Variants in NPEPL1 observed in about 807,000 individuals in gnomAD.
The protein encoded by NPEPL1 is aminopeptidase like 1, also known as probable aminopeptidase NPEPL1.
A neutral mutation model predicts 52.4 loss-of-function variants in NPEPL1; 45 were observed. The observed-to-expected ratio is 0.86, with a 90% confidence interval of 0.68 to 1.10. The LOEUF is 1.10. NPEPL1 is among the 50% of genes least tolerant of loss of function. NPEPL1 has a pLI of 0.00. For synonymous variants in NPEPL1, 360 were observed against 314.7 expected (o/e 1.14, Z -1.52); for missense variants, 696 against 710.9 (o/e 0.98, Z 0.24).
Position 58,693,790 on chromosome 20 carries a change from C to T in NPEPL1, c.204C>T (p.Pro68=), listed in dbSNP as rs199613831. Residue 68 remains proline (P), a synonymous_variant, in exon 2 of 12, where the codon CCC becomes CCT. Transcript: ENST00000356091. ...ACCCCAACCCCACGGACAGCTGTCC[C>T]CTCTACCTGAACTACGCCACCGTGG... The part of the protein sequence containing the change: ...TLNPNPTDSC[P]LYLNYATVAA... 394 of 1,613,854 alleles carry T rather than the reference C, an allele frequency of 2.4e-4. No individual in the cohort carries two copies. The African/African-American group carries it at 4.6e-3, about 19-fold the overall frequency.
Position 58,713,141 on chromosome 20 carries a change from C to T in NPEPL1, c.1002-279C>T. The T allele has an allele frequency of 2.3e-6, 1 of 434,854 alleles. No homozygotes were observed. Among genetic ancestry groups the T allele is most frequent in the Non-Finnish European group, 4.2e-6 (1 of 237,832 alleles). The allele number at this position is 434,854 out of a possible 1,614,324, so 26.9% of individuals were successfully genotyped here. A position where few individuals can be genotyped will look rare whatever the true frequency, so the allele number is the denominator to read the frequency against. ...CAGCCCAGCCGGTTCATGCCACCCA[C>T]TTTACAGAAGAAGAAACTGAGGCAT... On this transcript the variant is annotated intron_variant, in intron 8 of 11. Coordinates refer to ENST00000356091, the MANE Select transcript of NPEPL1 (RefSeq NM_024663.4). The surrounding 1 kb of genome is among the most constrained non-coding windows in gnomAD (Gnocchi z 4.6).
intron 7 of NPEPL1, among the ~76,000 whole-genome samples, chr20:58,708,602 C>T (rs567392786): frequency 6.6e-6 from 1 of 152,334 alleles, no homozygotes; most frequent in East Asian, 1.9e-4. Flanking sequence ...GTCCTCTGTG[C>T]GCTACTCCTT....
At chr20:58,710,451 G>A (rs1329199481) in intron 7 of NPEPL1, among the ~76,000 whole-genome samples, 2 of 152,052 alleles carry the variant, frequency 1.3e-5, no homozygotes, top group African/African-American at 2.4e-5. Context: ...CCAGGAGCTC[G>A]GTGGCCCTGG....
In NPEPL1 at chr20:58,694,044, A is replaced by G. The variant is rs558934744; in HGVS notation, c.336+122A>G. 23 of 974,130 alleles carry G rather than the reference A, an allele frequency of 2.4e-5. No individual in the cohort carries two copies. In the African/African-American group the frequency reaches 2.8e-4, roughly 12 times the overall value. 60.3% of individuals were successfully genotyped at this position (974,130 alleles called of 1,614,324 possible). On this transcript the variant is annotated intron_variant, in intron 2 of 11. Coordinates refer to ENST00000356091, the MANE Select transcript of NPEPL1 (RefSeq NM_024663.4). ...CGCCCAGAGGGCTGTGGACGTTATC[A>G]TCCCTGCTCTGTAGACAGGGAAACA...
chr20:58,703,607 C>T (rs2084679182), intron 6 of NPEPL1: 1 of 985,170 alleles, frequency 1.0e-6, no homozygotes, highest in Non-Finnish European at 1.2e-6. Context: ...GATGAGCTTC[C>T]TGGGAATTCA....
Position 58,711,857 on chromosome 20 carries a change from G to A in NPEPL1, c.901-622G>A, listed in dbSNP as rs578078063. Reference sequence around the variant, plus strand: ...CTCCATGCTAGGAGGATGTATTCTGGTTAAAGATTCGTCTGCGGGAGCAGA... The same window carrying A: ...CTCCATGCTAGGAGGATGTATTCTGATTAAAGATTCGTCTGCGGGAGCAGA... On this transcript the variant is annotated intron_variant, in intron 7 of 11. Transcript: ENST00000356091. Among the ~76,000 whole-genome samples the A allele has an allele frequency of 1.7e-3, 264 of 152,374 alleles. 1 individual carries two copies. The highest frequency in any genetic ancestry group is 3.3e-3 in the Non-Finnish European group (222 of 68,038).
intron 3 of NPEPL1, among the ~76,000 whole-genome samples, chr20:58,697,754 G>C (rs975573589): frequency 1.3e-5 from 2 of 152,248 alleles, no homozygotes; most frequent in Admixed American, 6.5e-5. Flanking sequence ...GGTGCCCGCA[G>C]ATTCAGCTGA....
intron 6 of NPEPL1, chr20:58,703,996 C>T (rs1407818100): frequency 3.0e-6 from 3 of 985,286 alleles, no homozygotes; most frequent in Non-Finnish European, 3.6e-6. Context: ...TTTAAACCAG[C>T]CCATCTTCCC....
At chr20:58,690,603 A>T (rs939903615), upstream of NPEPL1, among the ~76,000 whole-genome samples, 1 of 152,232 alleles carries the variant, frequency 6.6e-6, no homozygotes, top group African/African-American at 2.4e-5. Context: ...GATTTCTTCA[A>T]TTCGGGGGTG....
chr20:58,712,648 C>A, intron 8 of NPEPL1, 69 bp downstream of exon 8: 1 of 1,085,134 alleles, frequency 9.2e-7, no homozygotes, highest in Non-Finnish European at 1.4e-6. Context: ...CCTGCAATGC[C>A]AGCTCACTCC....
intron 6 of NPEPL1, chr20:58,703,610 G>T (rs1038236761): frequency 1.0e-6 from 1 of 985,274 alleles, no homozygotes; most frequent in Non-Finnish European, 1.2e-6. Context: ...GAGCTTCCTG[G>T]GAATTCATTC....
intron 5 of NPEPL1, 147 bp from the exon 6 acceptor site, chr20:58,700,869 G>A (rs2084599740): frequency 2.8e-6 from 2 of 707,372 alleles, no homozygotes; most frequent in Middle Eastern, 4.2e-4. Context: ...ACACTGGCCA[G>A]GGGCAGGAGA....
At chr20:58,701,232 C>CA in intron 6 of NPEPL1, 74 bp downstream of exon 6, 3 of 173,446 alleles carry the variant, frequency 1.7e-5, no homozygotes, top group Non-Finnish European at 2.3e-5. Flanking sequence ...CCGGCTCTCC[C>CA]GGGTGCCCTG....
intron 7 of NPEPL1, chr20:58,711,199 C>A (rs1401004279): frequency 6.6e-6 from 1 of 151,060 alleles, no homozygotes; most frequent in African/African-American, 2.4e-5. Context: ...GGCTCCCCTC[C>A]TTTGTTGGTG....
At chr20:58,705,860 A>G (rs979042166) in intron 6 of NPEPL1, among the ~76,000 whole-genome samples, 3 of 152,192 alleles carry the variant, frequency 2.0e-5, no homozygotes, top group Non-Finnish European at 4.4e-5. Flanking sequence ...CATTTAAACA[A>G]TCCTGTGCTT....
At chr20:58,705,525 C>T in intron 6 of NPEPL1, 1 of 456,288 alleles carries the variant, frequency 2.2e-6, no homozygotes. Flanking sequence ...ACAGTGGCTC[C>T]CGGACCTCTT....
intron 7 of NPEPL1, among the ~76,000 whole-genome samples, chr20:58,708,576 TGGA>T (rs1369545927): frequency 1.3e-5 from 2 of 151,912 alleles, no homozygotes; most frequent in African/African-American, 2.4e-5. Flanking sequence ...CGGAAGAGGC[TGGA>T]GGAGGAGCAT....
At chr20:58,691,977 C>A, upstream of NPEPL1, 1 of 655,846 alleles carries the variant, frequency 1.5e-6, no homozygotes, top group South Asian at 1.7e-5. Context: ...CACCACCCGG[C>A]TCCTGCCCCA....
At position 58,692,999 on chromosome 20, in the gene NPEPL1, C is replaced by T. The variant is rs2084385861; in HGVS notation, c.99C>T (p.Arg33=). 3 of 1,153,346 alleles carry T rather than the reference C, an allele frequency of 2.6e-6. No homozygotes were observed. The highest frequency in any genetic ancestry group is 2.3e-5 in the South Asian group (1 of 42,656). The allele number at this position is 1,153,346 out of a possible 1,614,324, so 71.4% of individuals were successfully genotyped here. A position where few individuals can be genotyped will look rare whatever the true frequency, so the allele number is the denominator to read the frequency against. ...LLLGQLHHLH[R]VPWSHVRGKL... The stretch of plus-strand genomic sequence containing the variant: ...TCGGGCAGCTGCACCACCTGCACCG[C>T]GTGCCCTGGAGCCACGTCCGCGGGA... Residue 33 remains arginine, a synonymous_variant, in exon 1 of 12, where the codon CGC becomes CGT. Transcript: ENST00000356091. This position sits in a 1 kb window ranked among gnomAD's most constrained non-coding sequence, Gnocchi z 5.7.
Sources: allele counts gnomAD v4.1 joint callset (sites outside exome capture counted in the v4.1 genomes callset), GRCh38; gene constraint gnomAD v4.1.1; non-coding constraint Gnocchi (gnomAD v3.1); transcripts MANE v1.5; gene names NCBI Gene and HGNC (gene_info 2026-07-23, HGNC 2026-07-21).